The following NOC4L variants were observed in gnomAD, a reference collection of about 807,000 sequenced individuals.
The protein encoded by NOC4L is nucleolar complex associated 4 homolog.
NOC4L carries 40 observed loss-of-function variants against 62.8 expected under a neutral mutation model. That is an observed-to-expected ratio of 0.64 (90% CI 0.49 to 0.83). The LOEUF (loss-of-function observed/expected upper bound fraction) is 0.83. Ranked by LOEUF, NOC4L falls within the 40% of genes least tolerant of loss-of-function variation. The probability of loss-of-function intolerance (pLI) is 0.00; values close to 1 mark genes in which losing one functional copy is unlikely to be tolerated. For missense variants in NOC4L, 927 were observed against 701.9 expected (o/e 1.32, Z -3.62); for synonymous variants, 433 against 299.8 (o/e 1.44, Z -4.59).
At position 132,151,804 on chromosome 12, in the gene NOC4L, C is replaced by T. The variant is rs754321241; in HGVS notation, c.1301C>T (p.Ser434Phe). The T allele has an allele frequency of 1.1e-5, 18 of 1,611,882 alleles. No homozygotes were observed. In the South Asian group the frequency reaches 1.6e-4, roughly 15 times the overall value. ...GCCCAGAGCCGGGCCTTGGAGAGCT[C>T]CCTGTGGGAGCTTCAGGTGAGGGCG... ...DPAQSRALES[S>F]LWELQALQRH... The change falls in exon 13 of 15, where the codon TCC (serine) becomes TTC (phenylalanine). Residue 434 changes from serine (S) to phenylalanine (F), a missense_variant. Physicochemically the swap from Ser to Phe is radical, Grantham distance 155. Transcript: ENST00000330579.
intron 3 of NOC4L, among the ~76,000 whole-genome samples, chr12:132,146,031 C>G (rs113222730): frequency 6.6e-6 from 1 of 152,192 alleles, no homozygotes; most frequent in African/African-American, 2.4e-5. Flanking sequence ...ATAACTGAGG[C>G]ACAGTTTACC....
chr12:132,148,688 G>T, intron 8 of NOC4L, 29 bp downstream of exon 8: 2 of 1,534,280 alleles, frequency 1.3e-6, no homozygotes, highest in African/African-American at 1.4e-5. Flanking sequence ...AGGGGGCGGG[G>T]GCGGCATCCG....
At chr12:132,145,103 C>T in intron 2 of NOC4L, 129 bp downstream of exon 2, 2 of 1,318,904 alleles carry the variant, frequency 1.5e-6, no homozygotes, top group Non-Finnish European at 2.0e-6. Flanking sequence ...GCACCAAGCC[C>T]ACCGTGGAAG....
chr12:132,144,676 C>T (rs1897639594), intron 1 of NOC4L, 71 bp downstream of exon 1: 3 of 1,449,494 alleles, frequency 2.1e-6, no homozygotes, highest in Non-Finnish European at 2.7e-6. Flanking sequence ...GCTGCGGCGG[C>T]AGGTCCCCAG....
Position 132,147,371 on chromosome 12 carries a change from C to T in NOC4L, c.436C>T (p.Pro146Ser), listed in dbSNP as rs779661569. The T allele has an allele frequency of 5.6e-6, 9 of 1,594,308 alleles. No homozygotes were observed. The highest frequency in any genetic ancestry group is 5.1e-6 in the Non-Finnish European group (6 of 1,170,076). The stretch of plus-strand genomic sequence containing the variant: ...CAAGTGGGAAGGCAACTACCTGTTC[C>T]CCCGAGAGCTCTTCAAGGTGAGGGC... ...KSKWEGNYLF[P>S]RELFKLVVGG... is the part of the protein sequence containing the mutation. Residue 146 changes from proline to serine, a missense_variant, in exon 4 of 15, where the codon CCC becomes TCC. Transcript: ENST00000330579.
intron 6 of NOC4L, 40 bp from the exon 7 acceptor site, chr12:132,148,032 C>T (rs970889658): frequency 5.0e-6 from 8 of 1,613,206 alleles, no homozygotes; most frequent in Admixed American, 3.3e-5. Context: ...GTCTGCCTCC[C>T]CTGCGGGTCA....
Position 132,147,754 on chromosome 12 carries a change from T to C in NOC4L, c.575T>C (p.Val192Ala). 6.2e-7 allele frequency: 1 copy of C among 1,612,782 alleles called. No homozygotes were observed. Among genetic ancestry groups the C allele is most frequent in the Non-Finnish European group, 8.5e-7 (1 of 1,179,948 alleles). Residue 192 changes from valine (V) to alanine (A), a missense_variant, in exon 5 of 15, where the codon GTG becomes GCG. Transcript: ENST00000330579. ...ACCATGCAGGCAGCCGTGGATGCCG[T>C]GGCCCGGGTCACTGGCCAGCACCCC... ...YHTMQAAVDA[V>A]ARVTGQHPEV...
At position 132,152,153 on chromosome 12, in the gene NOC4L, C is replaced by T; in HGVS notation, c.1387C>T (p.Pro463Ser). 6.2e-7 allele frequency: 1 copy of T among 1,612,412 alleles called. No individual in the cohort carries two copies. Among genetic ancestry groups the T allele is most frequent in the South Asian group, 1.1e-5 (1 of 91,080 alleles). The change falls in exon 14 of 15, where the codon CCT (proline) becomes TCT (serine). Residue 463 changes from proline to serine, a missense_variant. Pro to Ser is a moderately conservative substitution (Grantham distance 74). Coordinates refer to ENST00000330579, the MANE Select transcript of NOC4L (RefSeq NM_024078.3). ...CGTCATCAACCAGGCCCTGTCCATG[C>T]CTGAGGTCAGCATCGCGCCACTGCT... Reference protein sequence around the residue: ...ASVINQALSMPEVSIAPLLEL... With the variant: ...ASVINQALSMSEVSIAPLLEL...
At chr12:132,145,786 G>A in intron 3 of NOC4L, 121 bp downstream of exon 3, 1 of 654,960 alleles carries the variant, frequency 1.5e-6, no homozygotes, top group Admixed American at 2.7e-5. Flanking sequence ...CTTCATGGGA[G>A]CATCACCCTG....
chr12:132,148,740 C>A, intron 8 of NOC4L, 44 bp from the exon 9 acceptor site: 1 of 444,670 alleles, frequency 2.2e-6, no homozygotes, highest in Non-Finnish European at 3.9e-6. Flanking sequence ...CCCGCCGGCC[C>A]CCGCCCACCC....
At position 132,152,345 on chromosome 12, in the gene NOC4L, C is replaced by A; in HGVS notation, c.1495C>A (p.Gln499Lys). ...GGTGCCACTGGAGTTTATCCCAGCC[C>A]AGGGCCTGCTGGGACGGCCGGGTGA... ...EPVPLEFIPA[Q>K]GLLGRPGELC... The change falls in exon 15 of 15, where the codon CAG becomes AAG. Residue 499 changes from glutamine to lysine, a missense_variant. Gln to Lys is a moderately conservative substitution (Grantham distance 53). Transcript: ENST00000330579. 6.4e-7 allele frequency: 1 copy of A among 1,570,804 alleles called. No individual in the cohort carries two copies. The highest frequency in any genetic ancestry group is 8.6e-7 in the Non-Finnish European group (1 of 1,157,224).
At position 132,148,847 on chromosome 12, in the gene NOC4L, G is replaced by A. The variant is rs755606601; in HGVS notation, c.853G>A (p.Ala285Thr). 1 of 1,602,666 alleles carries A rather than the reference G, an allele frequency of 6.2e-7. No homozygotes were observed. The highest frequency in any genetic ancestry group is 1.3e-5 in the African/African-American group (1 of 74,578). Reference protein sequence around the residue: ...IVHDAILPQLAQPTLMIDFLT... With the variant: ...IVHDAILPQLTQPTLMIDFLT... ...GCATGACGCCATCCTGCCGCAGCTG[G>A]CGCAGCCCACGCTCATGATCGACTT... The change falls in exon 9 of 15, where the codon GCG becomes ACG. Residue 285 changes from alanine to threonine, a missense_variant. Ala to Thr is a moderately conservative substitution (Grantham distance 58). Transcript: ENST00000330579.
chr12:132,145,190 C>G (rs144599384), intron 2 of NOC4L, among the ~76,000 whole-genome samples: 1 of 152,128 alleles, frequency 6.6e-6, no homozygotes, highest in East Asian at 1.9e-4. Context: ...CAAGGTACGA[C>G]TTTTTGTGTG....
Position 132,150,984 on chromosome 12 carries a change from G to A in NOC4L, c.905G>A (p.Gly302Glu), listed in dbSNP as rs1487846239. The A allele has an allele frequency of 3.1e-6, 5 of 1,608,162 alleles. No homozygotes were observed. Among genetic ancestry groups the A allele is most frequent in the African/African-American group, 1.3e-5 (1 of 74,822 alleles). ...DFLTRACDLG[G>E]ALSLLALNGL... is the part of the protein sequence containing the mutation. ...GCCTGTGTCTGTCTGTCTGCAGGGG[G>A]GGCCCTCAGCCTCTTGGCCTTGAAC... Residue 302 changes from glycine (G) to glutamate (E), a missense_variant, in exon 10 of 15, where the codon GGG (glycine) becomes GAG (glutamate). By Grantham distance (98) the Gly-to-Glu change is moderately conservative. Transcript: ENST00000330579.
At chr12:132,146,304 C>T (rs890582348) in intron 3 of NOC4L, 5 of 455,894 alleles carry the variant, frequency 1.1e-5, no homozygotes, top group African/African-American at 6.0e-5. Flanking sequence ...GTTCGAAGTT[C>T]GTTCTCTTTG....
chr12:132,147,144 G>A (rs970719371), intron 3 of NOC4L, 137 bp from the exon 4 acceptor site: 11 of 553,612 alleles, frequency 2.0e-5, no homozygotes, highest in Admixed American at 1.1e-4. Flanking sequence ...ATCTGGTGGC[G>A]TGTGGAGCAA....
In NOC4L at chr12:132,151,013, C is replaced by G; in HGVS notation, c.934C>G (p.Leu312Val). The change falls in exon 10 of 15, where the codon CTG becomes GTG. Residue 312 changes from leucine to valine, a missense_variant. Leu to Val is a conservative substitution (Grantham distance 32). Transcript: ENST00000330579. ...GALSLLALNG[L>V]FILIHKHNLE... ...CCTCAGCCTCTTGGCCTTGAACGGGCTGTTCATCTTGATTCACAAACACAA... is the reference window on the plus strand; with the variant it reads ...CCTCAGCCTCTTGGCCTTGAACGGGGTGTTCATCTTGATTCACAAACACAA... The G allele has an allele frequency of 1.2e-6, 2 of 1,611,388 alleles. No homozygotes were observed. The highest frequency in any genetic ancestry group is 1.7e-6 in the Non-Finnish European group (2 of 1,179,208).
In NOC4L at chr12:132,144,569, G is replaced by A; in HGVS notation, c.81G>A (p.Glu27=). Residue 27 remains glutamate, a synonymous_variant, in exon 1 of 15, where the codon GAG becomes GAA. Coordinates refer to ENST00000330579, the MANE Select transcript of NOC4L (RefSeq NM_024078.3). ...RLEAVLASRS[E]ANAVFDILAV... Reference sequence around the variant, plus strand: ...AGGCGGTGCTGGCGAGCCGCAGTGAGGCCAACGCCGTGTTCGACATCCTGG... The same window carrying A: ...AGGCGGTGCTGGCGAGCCGCAGTGAAGCCAACGCCGTGTTCGACATCCTGG... The A allele has an allele frequency of 3.9e-6, 6 of 1,524,168 alleles. No homozygotes were observed. Among genetic ancestry groups the A allele is most frequent in the Non-Finnish European group, 5.2e-6 (6 of 1,142,922 alleles). 94.4% of individuals were successfully genotyped at this position (1,524,168 alleles called of 1,614,324 possible).
At chr12:132,146,547 A>G (rs905420564) in intron 3 of NOC4L, among the ~76,000 whole-genome samples, 4 of 152,204 alleles carry the variant, frequency 2.6e-5, no homozygotes, top group South Asian at 2.1e-4. Flanking sequence ...ACTGTTTTCC[A>G]TAGTAGCTGC....
Sources: allele counts gnomAD v4.1 joint callset (sites outside exome capture counted in the v4.1 genomes callset), GRCh38; gene constraint gnomAD v4.1.1; transcripts MANE v1.5; gene names NCBI Gene and HGNC (gene_info 2026-07-23, HGNC 2026-07-21).